ZFHX3: variants seen among roughly 807,000 people sequenced by gnomAD.
The protein encoded by ZFHX3 is zinc finger homeobox protein 3.
ZFHX3 carries 42 observed loss-of-function variants against 279.1 expected under a neutral mutation model. That is an observed-to-expected ratio of 0.15 (90% CI 0.12 to 0.19). ZFHX3 has a LOEUF of 0.19. Among genes scored for constraint, ZFHX3 ranks in the 10% least tolerant of loss-of-function variants. ZFHX3 has a pLI of 1.00. For synonymous variants in ZFHX3, 2,293 were observed against 1,957.8 expected, an observed-to-expected ratio of 1.17 and a Z score of -4.52; for missense variants, 4,981 against 4,754.0, an observed-to-expected ratio of 1.05 and a Z score of -1.40.
intron 3 of ZFHX3, among the ~76,000 whole-genome samples, chr16:73,322,075 C>T (rs1467980996): frequency 6.6e-6 from 1 of 152,222 alleles, no homozygotes; most frequent in Non-Finnish European, 1.5e-5. Flanking sequence ...TGCTTCCCTC[C>T]GTCGATCTGA....
At chr16:73,601,370 T>G (rs2052114648) in intron 2 of ZFHX3, among the ~76,000 whole-genome samples, 1 of 150,020 alleles carries the variant, frequency 6.7e-6, no homozygotes, top group Admixed American at 6.7e-5. Context: ...CTCAGGACAC[T>G]GAGGCAGGAG....
intron 2 of ZFHX3, among the ~76,000 whole-genome samples, chr16:73,501,554 C>G (rs1297152622): frequency 6.6e-6 from 1 of 152,126 alleles, no homozygotes; most frequent in Admixed American, 6.6e-5. Context: ...AAAGCCATTG[C>G]TGGATTGAAA....
intron 2 of ZFHX3, chr16:73,487,407 G>T (rs972444476): frequency 1.2e-5 from 5 of 401,276 alleles, no homozygotes; most frequent in Non-Finnish European, 2.5e-5. Context: ...GTATCTATGT[G>T]ATTTTTTTTT....
chr16:73,070,415 T>G (rs998677421), intron 8 of ZFHX3, among the ~76,000 whole-genome samples: 1 of 152,110 alleles, frequency 6.6e-6, no homozygotes, highest in Non-Finnish European at 1.5e-5. Flanking sequence ...TGTCCCCACC[T>G]CTATTATTTT....
intron 3 of ZFHX3, among the ~76,000 whole-genome samples, chr16:73,391,861 A>G (rs8060963): frequency 0.61 from 93,218 of 151,952 alleles, 29,248 homozygotes; most frequent in Non-Finnish European, 0.69. Context: ...ACCGGGGAAG[A>G]CTTCAGGTAT....
At chr16:73,713,539 G>T (rs553252986) in intron 1 of ZFHX3, among the ~76,000 whole-genome samples, 74 of 152,122 alleles carry the variant, frequency 4.9e-4, no homozygotes, top group African/African-American at 1.8e-3. Flanking sequence ...ATTCGGAATT[G>T]CAGGCACATA....
At chr16:73,353,655 G>C (rs935265042) in intron 3 of ZFHX3, among the ~76,000 whole-genome samples, 3 of 152,120 alleles carry the variant, frequency 2.0e-5, no homozygotes, top group African/African-American at 7.2e-5. Flanking sequence ...TCTGCAGAGA[G>C]GAAAGTAGAT....
chr16:72,820,108 T>C (rs2036744404), intron 5 of ZFHX3, among the ~76,000 whole-genome samples: 1 of 152,162 alleles, frequency 6.6e-6, no homozygotes, highest in African/African-American at 2.4e-5. Context: ...TTTGCACAAG[T>C]CAGCAATCTG....
chr16:73,330,817 G>C (rs1208148591), intron 3 of ZFHX3, among the ~76,000 whole-genome samples: 1 of 152,202 alleles, frequency 6.6e-6, no homozygotes, highest in Non-Finnish European at 1.5e-5. Flanking sequence ...GATTTTCCCA[G>C]TGGTCTGGCT....
intron 1 of ZFHX3, among the ~76,000 whole-genome samples, chr16:73,876,359 T>C (rs991575724): frequency 1.3e-5 from 2 of 152,116 alleles, no homozygotes; most frequent in African/African-American, 4.8e-5. Context: ...AGCTAAAGAG[T>C]ATGTTAACAC....
chr16:73,456,929 G>A (rs2018381915), intron 2 of ZFHX3, among the ~76,000 whole-genome samples: 1 of 152,228 alleles, frequency 6.6e-6, no homozygotes, highest in Admixed American at 6.5e-5. Flanking sequence ...CCAAGTCAGA[G>A]GAGTGCCCCA....
intron 2 of ZFHX3, among the ~76,000 whole-genome samples, chr16:73,520,620 T>C (rs1185879423): frequency 6.6e-6 from 1 of 152,236 alleles, no homozygotes; most frequent in African/African-American, 2.4e-5. Context: ...GTCTCACGCA[T>C]TCTTTGTACA....
At chr16:73,649,929 T>C (rs1307585109) in intron 2 of ZFHX3, among the ~76,000 whole-genome samples, 1 of 152,196 alleles carries the variant, frequency 6.6e-6, no homozygotes, top group Non-Finnish European at 1.5e-5. Flanking sequence ...GTGGTTCAGA[T>C]AGATCTGGAT....
In ZFHX3 at chr16:73,304,589, G is replaced by A. The variant is rs532788211; in HGVS notation, c.-1194+13651C>T. Among the ~76,000 whole-genome samples the A allele has an allele frequency of 1.1e-4, 17 of 152,302 alleles. 1 individual carries two copies. Among genetic ancestry groups the A allele is most frequent in the South Asian group, 4.1e-4 (2 of 4,824 alleles). On this transcript the variant is annotated intron_variant, in intron 4 of 17. Coordinates refer to the ZFHX3 transcript ENST00000641206. ...GAGCGCATGCTCCCGTCTCGCCTGT[G>A]TTGGCTGCTCTAGTGCCCACAGCAT...
At chr16:72,874,107 A>T (rs1036273435) in intron 4 of ZFHX3, among the ~76,000 whole-genome samples, 1 of 151,260 alleles carries the variant, frequency 6.6e-6, no homozygotes, top group Non-Finnish European at 1.5e-5. Context: ...GGGGCTTTGG[A>T]GGAAACTTTT....
chr16:72,956,232 C>T (rs1214245036), intron 2 of ZFHX3, among the ~76,000 whole-genome samples: 1 of 152,226 alleles, frequency 6.6e-6, no homozygotes, highest in East Asian at 1.9e-4. Context: ...AGGCCTGGCC[C>T]TGCAGTCATC....
chr16:73,540,021 C>T (rs2019983457), intron 2 of ZFHX3, among the ~76,000 whole-genome samples: 1 of 152,202 alleles, frequency 6.6e-6, no homozygotes, highest in African/African-American at 2.4e-5. Context: ...AATATGATCG[C>T]TGTTAATCAG....
At chr16:73,836,333 G>GA (rs747548140) in intron 1 of ZFHX3, among the ~76,000 whole-genome samples, 1 of 152,044 alleles carries the variant, frequency 6.6e-6, no homozygotes, top group Non-Finnish European at 1.5e-5. Flanking sequence ...GCCTACATCA[G>GA]AAAAAAACTG....
chr16:73,476,049 T>C (rs1249688967), intron 2 of ZFHX3, among the ~76,000 whole-genome samples: 1 of 152,204 alleles, frequency 6.6e-6, no homozygotes, highest in Non-Finnish European at 1.5e-5. Flanking sequence ...GCATAATTTT[T>C]GAACTCTCAA....
Sources: allele counts gnomAD v4.1 joint callset (sites outside exome capture counted in the v4.1 genomes callset), GRCh38; gene constraint gnomAD v4.1.1; transcripts MANE v1.5; gene names NCBI Gene and HGNC (gene_info 2026-07-23, HGNC 2026-07-21).